ARMH1: variants seen among roughly 807,000 people sequenced by gnomAD.
ARMH1 encodes the protein armadillo-like helical domain containing protein 1.
In ARMH1, 34 loss-of-function variants were observed where a neutral mutation model predicts 50.2. The ratio of observed to expected loss-of-function variants is 0.68; its 90% CI spans 0.51 to 0.90. The LOEUF (loss-of-function observed/expected upper bound fraction) is 0.90. Ranked by LOEUF, ARMH1 falls within the 40% of genes least tolerant of loss-of-function variation. The pLI, the probability that ARMH1 is intolerant of heterozygous loss-of-function variation, is 0.00. For missense variants in ARMH1, 538 were observed against 553.9 expected (o/e 0.97, Z 0.29); for synonymous variants, 221 against 224.2 (o/e 0.99, Z 0.13).
chr1:44,704,250 A>T, intron 6 of ARMH1, 77 bp downstream of exon 6: 1 of 1,106,480 alleles, frequency 9.0e-7, no homozygotes, highest in Non-Finnish European at 1.3e-6. Context: ...TCTTAGTCAC[A>T]AAGAGCCTTG....
rs1645312863 is a variant in ARMH1, at chr1:44,681,511, T to C, written c.-23+6638T>C. Among the ~76,000 whole-genome samples, 1 of 151,664 alleles carries C rather than the reference T, an allele frequency of 6.6e-6. No individual in the cohort carries two copies. The highest frequency in any genetic ancestry group is 1.5e-5 in the Non-Finnish European group (1 of 67,946). On this transcript the variant is annotated intron_variant, in intron 1 of 11. Coordinates refer to ENST00000535358, the MANE Select transcript of ARMH1 (RefSeq NM_001145636.2). This position sits in a 1 kb window ranked among gnomAD's most constrained non-coding sequence, Gnocchi z 4.3. ...ACTGATAAATAAATAATAATAAAGA[T>C]AGGTAAAAATCAAGGCTAACAAGAA...
intron 6 of ARMH1, among the ~76,000 whole-genome samples, chr1:44,713,395 G>A (rs1573451736): frequency 2.0e-5 from 3 of 152,110 alleles, no homozygotes; most frequent in South Asian, 4.2e-4. Context: ...CACTGCACCC[G>A]GCCCTGCTTT....
Position 44,703,986 on chromosome 1 carries a change from A to G in ARMH1, c.640-103A>G, listed in dbSNP as rs974532031. On this transcript the variant is annotated intron_variant, in intron 5 of 11. Coordinates refer to ENST00000535358, the MANE Select transcript of ARMH1 (RefSeq NM_001145636.2). Reference sequence around the variant, plus strand: ...CGTGATCTGCCCACCTCGGCCTCCTAAAGTGCTGGGATTACAGGCGTGAGC... The same window carrying G: ...CGTGATCTGCCCACCTCGGCCTCCTGAAGTGCTGGGATTACAGGCGTGAGC... 1.9e-5 allele frequency: 16 copies of G among 854,582 alleles called. 1 individual carries two copies. Among genetic ancestry groups the G allele is most frequent in the Admixed American group, 2.4e-5 (1 of 42,422 alleles). The allele number at this position is 854,582 out of a possible 1,614,324, so 52.9% of individuals were successfully genotyped here. A position where few individuals can be genotyped will look rare whatever the true frequency, so the allele number is the denominator to read the frequency against.
chr1:44,679,939 G>A (rs532896202), intron 1 of ARMH1, among the ~76,000 whole-genome samples: 2 of 152,382 alleles, frequency 1.3e-5, no homozygotes, highest in Admixed American at 6.5e-5. Context: ...TAGTGGGAAG[G>A]ATGGGTAAGT....
chr1:44,704,207 G>T, intron 6 of ARMH1, 34 bp downstream of exon 6: 1 of 1,471,000 alleles, frequency 6.8e-7, no homozygotes, highest in South Asian at 1.2e-5. Flanking sequence ...AGGGGGCACC[G>T]AGAGCCAGAC....
At chr1:44,675,524 A>G (rs1405730425) in intron 1 of ARMH1, among the ~76,000 whole-genome samples, 1 of 152,106 alleles carries the variant, frequency 6.6e-6, no homozygotes, top group Non-Finnish European at 1.5e-5. Flanking sequence ...TTAGCCAGGC[A>G]TGGTAGCGCA....
intron 1 of ARMH1, chr1:44,689,275 T>C (rs1475133629): frequency 2.3e-5 from 4 of 170,454 alleles, no homozygotes; most frequent in African/African-American, 7.2e-5. Context: ...GTCAGCCAGG[T>C]TGGTCTCAAA....
At chr1:44,688,594 C>T (rs1645552015) in intron 1 of ARMH1, among the ~76,000 whole-genome samples, 1 of 152,136 alleles carries the variant, frequency 6.6e-6, no homozygotes, top group African/African-American at 2.4e-5. Context: ...AATCATGGCC[C>T]CTGCAAGTAA....
At position 44,724,133 on chromosome 1, in the gene ARMH1, ATCAAAGACCTGG is replaced by A; in HGVS notation, c.739_750del (p.Lys247_Val250del). 6.4e-7 allele frequency: 1 copy of A among 1,551,612 alleles called. No individual in the cohort carries two copies. Among genetic ancestry groups the A allele is most frequent in the East Asian group, 2.4e-5 (1 of 40,902 alleles). On this transcript the variant is annotated inframe_deletion, in exon 7 of 12. Transcript: ENST00000535358. This position sits in a 1 kb window ranked among gnomAD's most constrained non-coding sequence, Gnocchi z 6.4. ...CTGCCCTTCCGCAGCCATCGAGTTG[ATCAAAGACCTGG>A]TCGGTTACGATGTGCGCCAGGCGCT...
chr1:44,711,973 G>C (rs562205493), intron 6 of ARMH1, among the ~76,000 whole-genome samples: 31 of 152,308 alleles, frequency 2.0e-4, no homozygotes, highest in Middle Eastern at 3.4e-3. Context: ...TGATAAATGA[G>C]AAAGCTGTAG....
intron 6 of ARMH1, among the ~76,000 whole-genome samples, chr1:44,714,517 G>A (rs571214477): frequency 3.1e-4 from 47 of 152,074 alleles, no homozygotes; most frequent in African/African-American, 9.4e-4. Context: ...CCCGGGAGGC[G>A]GAGGTTGCGG....
rs181656623 is a variant in ARMH1, at chr1:44,725,527, A to T, written c.*124A>T. 113 of 918,524 alleles carry T rather than the reference A, an allele frequency of 1.2e-4. 1 individual carries two copies. The African/African-American group carries it at 1.6e-3, about 13-fold the overall frequency. 56.9% of individuals were successfully genotyped at this position (918,524 alleles called of 1,614,324 possible). On this transcript the variant is annotated 3_prime_UTR_variant, in exon 12 of 12. Coordinates refer to ENST00000535358, the MANE Select transcript of ARMH1 (RefSeq NM_001145636.2). Reference sequence around the variant, plus strand: ...TCCAGGGGGGAGACGGGGATTAGGCATCCCAGAGGGGCAGAGGAAGAGCCG... The same window carrying T: ...TCCAGGGGGGAGACGGGGATTAGGCTTCCCAGAGGGGCAGAGGAAGAGCCG...
chr1:44,687,330 A>G (rs886620654), intron 1 of ARMH1, among the ~76,000 whole-genome samples: 1 of 152,164 alleles, frequency 6.6e-6, no homozygotes, highest in Non-Finnish European at 1.5e-5. Flanking sequence ...GTTTAAACCT[A>G]ATTTCCTCTT....
chr1:44,695,127 G>A (rs1054342581), intron 2 of ARMH1, among the ~76,000 whole-genome samples: 1 of 152,142 alleles, frequency 6.6e-6, no homozygotes, highest in African/African-American at 2.4e-5. Flanking sequence ...AAGCCAGAAG[G>A]CCTAACAGTA....
intron 2 of ARMH1, 31 bp downstream of exon 2, chr1:44,689,934 T>G (rs1645602037): frequency 6.5e-7 from 1 of 1,536,594 alleles, no homozygotes; most frequent in Non-Finnish European, 8.8e-7. Context: ...AAAAAAAAAT[T>G]AGGCACCGGG....
chr1:44,724,713 C>A lies in ARMH1; in HGVS notation c.1050+45C>A. On this transcript the variant is annotated intron_variant, in intron 9 of 11. Transcript: ENST00000535358. The surrounding 1 kb of genome is among the most constrained non-coding windows in gnomAD (Gnocchi z 6.4). ...AGGGGGCGGGAAGGGCGGCGGCACC[C>A]GCAGCCCCGTCGCCCCCGCAGTCAC... is the stretch of plus-strand genomic sequence containing the variant. 1 of 1,490,588 alleles carries A rather than the reference C, an allele frequency of 6.7e-7. No individual in the cohort carries two copies. The allele number at this position is 1,490,588 out of a possible 1,614,324, so 92.3% of individuals were successfully genotyped here.
In ARMH1 at chr1:44,725,351, C is replaced by T. The variant is rs971001665; in HGVS notation, c.1271C>T (p.Ala424Val). ...ACTCTCTATGGCTCGCGCGATTCGG[C>T]TCAGATGGCCTACCTCACACACTTC... ...MNTLYGSRDS[A>V]QMAYLTHFEE... The change falls in exon 12 of 12, where the codon GCT (alanine) becomes GTT (valine). Residue 424 changes from alanine (A) to valine (V), a missense_variant. Coordinates refer to ENST00000535358, the MANE Select transcript of ARMH1 (RefSeq NM_001145636.2). The T allele has an allele frequency of 1.3e-6, 2 of 1,551,602 alleles. No individual in the cohort carries two copies. Among genetic ancestry groups the T allele is most frequent in the African/African-American group, 2.7e-5 (2 of 73,048 alleles).
chr1:44,722,097 TC>T (rs1452464687), intron 6 of ARMH1, among the ~76,000 whole-genome samples: 1 of 152,182 alleles, frequency 6.6e-6, no homozygotes, highest in East Asian at 1.9e-4. Flanking sequence ...TGGTAATAAT[TC>T]TCGTATCTAC....
Position 44,700,929 on chromosome 1 carries a change from G to A in ARMH1, c.449G>A (p.Arg150Gln), listed in dbSNP as rs903653146. The A allele has an allele frequency of 1.6e-5, 25 of 1,548,716 alleles. No homozygotes were observed. In the East Asian group the frequency reaches 2.9e-4, roughly 18 times the overall value. The change falls in exon 5 of 12, where the codon CGA (arginine) becomes CAA (glutamine). Residue 150 changes from arginine to glutamine, a missense_variant. Physicochemically the swap from Arg to Gln is conservative, Grantham distance 43. Transcript: ENST00000535358. ...TCCTCTCTTCTTTGCTCAGGTGTAC[G>A]ATCCATAGCAGAATTTTTGGCAAAG... ...KELICESYGVRSIAEFLAKSK... is the reference protein window; with the variant it reads ...KELICESYGVQSIAEFLAKSK...
Sources: gnomAD v4.1 joint callset for allele counts (sites outside exome capture counted in the v4.1 genomes callset) on GRCh38, gnomAD v4.1.1 for gene constraint, Gnocchi (gnomAD v3.1) non-coding constraint, MANE v1.5 for transcripts, NCBI Gene and HGNC (gene_info 2026-07-23, HGNC 2026-07-21) for gene names.